Variants in CCDC13 observed in about 807,000 individuals in gnomAD.
CCDC13 encodes coiled-coil domain-containing protein 13.
In CCDC13, 70 loss-of-function variants were observed where a neutral mutation model predicts 87.3. The ratio of observed to expected loss-of-function variants is 0.80; its 90% CI spans 0.66 to 0.98. CCDC13 has a LOEUF of 0.98. Among genes scored for constraint, CCDC13 ranks in the 50% least tolerant of loss-of-function variants. CCDC13 has a pLI of 0.00. For synonymous variants in CCDC13, 317 were observed against 360.3 expected (o/e 0.88, Z 1.36); for missense variants, 842 against 892.0 (o/e 0.94, Z 0.71).
intron 12 of CCDC13, among the ~76,000 whole-genome samples, chr3:42,731,019 C>T (rs903589725): frequency 6.6e-6 from 1 of 152,114 alleles, no homozygotes; most frequent in African/African-American, 2.4e-5. Flanking sequence ...GGCTTGGTCC[C>T]CAAGCCCAGC....
chr3:42,762,514 T>C (rs983595031), intron 1 of CCDC13, among the ~76,000 whole-genome samples: 1 of 152,226 alleles, frequency 6.6e-6, no homozygotes, highest in African/African-American at 2.4e-5. Flanking sequence ...CAACTGTACC[T>C]ACGTAACCAT....
At chr3:42,753,258 G>A (rs1699629151) in intron 3 of CCDC13, among the ~76,000 whole-genome samples, 1 of 152,226 alleles carries the variant, frequency 6.6e-6, no homozygotes, top group Admixed American at 6.5e-5. Context: ...CTCAAGAATA[G>A]AAGAGAGACA....
chr3:42,739,572 T>G, intron 9 of CCDC13, 62 bp downstream of exon 9: 1 of 1,552,776 alleles, frequency 6.4e-7, no homozygotes, highest in Non-Finnish European at 8.7e-7. Flanking sequence ...TGGCCATGGC[T>G]GGGGCCCATC....
intron 14 of CCDC13, among the ~76,000 whole-genome samples, chr3:42,712,522 G>A (rs1698336116): frequency 6.6e-6 from 1 of 152,238 alleles, no homozygotes; most frequent in Non-Finnish European, 1.5e-5. Context: ...ACCTGGCTAT[G>A]CCCAACTGTC....
chr3:42,742,302 G>C (rs1215449354), intron 8 of CCDC13, among the ~76,000 whole-genome samples: 3 of 152,216 alleles, frequency 2.0e-5, no homozygotes, highest in African/African-American at 7.2e-5. Flanking sequence ...GGCTGCATTG[G>C]AGGAGAGAAG....
At chr3:42,749,733 C>T in intron 5 of CCDC13, 2 of 382,620 alleles carry the variant, frequency 5.2e-6, no homozygotes, top group South Asian at 3.8e-5. Flanking sequence ...TATGGGTACG[C>T]TCCCTCCCCT....
chr3:42,711,246 C>CAAAAAAAA (rs1174084143), intron 14 of CCDC13, among the ~76,000 whole-genome samples: 5 of 75,322 alleles, frequency 6.6e-5, no homozygotes, highest in African/African-American at 1.7e-4. Flanking sequence ...ACTCTGTCTC[C>CAAAAAAAA]AAAAAAAAAA....
chr3:42,764,262 C>T (rs1366760510), intron 1 of CCDC13, among the ~76,000 whole-genome samples: 1 of 152,138 alleles, frequency 6.6e-6, no homozygotes, highest in African/African-American at 2.4e-5. Flanking sequence ...TATAATGAGG[C>T]GTGTCCAACC....
Position 42,742,995 on chromosome 3 carries a change from A to G in CCDC13, c.888T>C (p.Asp296=). ...TTGGGTCTGGATAGACAGACAACTC[A>G]TCACTGGCTGTTCCCGCAGACTGGC... The part of the protein sequence containing the change: ...ARSQSAGTAS[D]ELSVYPDPRK... Residue 296 remains aspartate, a synonymous_variant, in exon 8 of 16, where the codon GAT becomes GAC. Coordinates refer to ENST00000310232, the MANE Select transcript of CCDC13 (RefSeq NM_144719.4). 15 of 1,614,072 alleles carry G rather than the reference A, an allele frequency of 9.3e-6. No homozygotes were observed. Among genetic ancestry groups the G allele is most frequent in the Non-Finnish European group, 1.3e-5 (15 of 1,179,980 alleles).
At chr3:42,721,919 G>A (rs1249887859) in intron 13 of CCDC13, among the ~76,000 whole-genome samples, 1 of 152,156 alleles carries the variant, frequency 6.6e-6, no homozygotes, top group Non-Finnish European at 1.5e-5. Flanking sequence ...TGAAAATCTG[G>A]AACAGTATTC....
chr3:42,749,055 G>C (rs959842870), intron 5 of CCDC13, among the ~76,000 whole-genome samples: 3 of 152,180 alleles, frequency 2.0e-5, no homozygotes, highest in African/African-American at 7.2e-5. Context: ...CACCGTGCCC[G>C]GCCATCCTTT....
chr3:42,728,517 A>G (rs752819954), intron 13 of CCDC13, among the ~76,000 whole-genome samples: 2 of 151,848 alleles, frequency 1.3e-5, no homozygotes, highest in Non-Finnish European at 2.9e-5. Flanking sequence ...TAAAACGTTT[A>G]GTTTTACTTT....
chr3:42,745,788 G>A (rs893487367), intron 7 of CCDC13, 135 bp downstream of exon 7: 6 of 585,926 alleles, frequency 1.0e-5, no homozygotes, highest in Admixed American at 5.9e-5. Context: ...CAACAACCCC[G>A]CACGAGTGCA....
intron 1 of CCDC13, among the ~76,000 whole-genome samples, chr3:42,769,174 T>C (rs1700000081): frequency 6.6e-6 from 1 of 152,040 alleles, no homozygotes; most frequent in Admixed American, 6.6e-5. Flanking sequence ...GCAAAAGATC[T>C]GAACAAACTC....
chr3:42,736,901 A>G (rs1261454256), intron 9 of CCDC13, among the ~76,000 whole-genome samples: 1 of 152,006 alleles, frequency 6.6e-6, no homozygotes, highest in East Asian at 1.9e-4. Flanking sequence ...TAATCAAGGA[A>G]GTTTTTGTTT....
intron 1 of CCDC13, among the ~76,000 whole-genome samples, chr3:42,772,300 A>ATAATAT (rs71072731): frequency 6.7e-6 from 1 of 149,188 alleles, no homozygotes; most frequent in East Asian, 2.0e-4. Context: ...AGTAATAATA[A>ATAATAT]AAAAAATAAA....
intron 13 of CCDC13, among the ~76,000 whole-genome samples, chr3:42,726,768 C>G (rs996160365): frequency 6.6e-6 from 1 of 151,648 alleles, no homozygotes; most frequent in Non-Finnish European, 1.5e-5. Context: ...CACATATATA[C>G]ATATATACAT....
At chr3:42,755,586 A>C (rs1157284159) in intron 3 of CCDC13, among the ~76,000 whole-genome samples, 1 of 152,260 alleles carries the variant, frequency 6.6e-6, no homozygotes, top group Non-Finnish European at 1.5e-5. Flanking sequence ...TAATCTGGGC[A>C]ACAGAGCAAG....
rs774439094 is a variant in CCDC13, at chr3:42,735,702, C to A, written c.1371+5G>T. On this transcript the variant is annotated splice_donor_5th_base_variant and intron_variant, in intron 10 of 15. Coordinates refer to ENST00000310232, the MANE Select transcript of CCDC13 (RefSeq NM_144719.4). ...GGGTTTGGGCGCTGCCAGTGCCCTA[C>A]TCACGTGCACATTGAGTTGTCCGAT... is the stretch of plus-strand genomic sequence containing the variant. 6.2e-7 allele frequency: 1 copy of A among 1,613,940 alleles called. No homozygotes were observed. The highest frequency in any genetic ancestry group is 1.1e-5 in the South Asian group (1 of 91,080).
Sources: allele counts gnomAD v4.1 joint callset (sites outside exome capture counted in the v4.1 genomes callset), GRCh38; gene constraint gnomAD v4.1.1; transcripts MANE v1.5; gene names NCBI Gene and HGNC (gene_info 2026-07-23, HGNC 2026-07-21).